Variants in CSMD1 observed in about 807,000 individuals in gnomAD.
The protein encoded by CSMD1 is CUB and Sushi multiple domains 1, also known as CUB and sushi domain-containing protein 1.
CSMD1 carries 213 observed loss-of-function variants against 417.5 expected under a neutral mutation model. The ratio of observed to expected loss-of-function variants is 0.51; its 90% CI spans 0.46 to 0.57. CSMD1 has a LOEUF of 0.57. Ranked by LOEUF, CSMD1 falls within the 20% of genes least tolerant of loss-of-function variation. The probability of loss-of-function intolerance (pLI) is 0.00; values close to 1 mark genes in which losing one functional copy is unlikely to be tolerated. For missense variants in CSMD1, 6,923 were observed against 4,529.7 expected (o/e 1.53, Z -15.17); for synonymous variants, 2,862 against 1,736.8 (o/e 1.65, Z -16.11).
chr8:3,669,607 G>T (rs1273942029), intron 7 of CSMD1, among the ~76,000 whole-genome samples: 1 of 152,194 alleles, frequency 6.6e-6, no homozygotes, highest in Non-Finnish European at 1.5e-5. Flanking sequence ...AATCACGACA[G>T]GGAAGACAAG....
At chr8:4,377,964 G>T (rs778125186) in intron 3 of CSMD1, among the ~76,000 whole-genome samples, 1 of 152,172 alleles carries the variant, frequency 6.6e-6, no homozygotes, top group African/African-American at 2.4e-5. Flanking sequence ...TATAGCAAAT[G>T]ATAGAATTGT....
chr8:4,859,795 C>A (rs1305790388), intron 1 of CSMD1, among the ~76,000 whole-genome samples: 1 of 152,030 alleles, frequency 6.6e-6, no homozygotes, highest in Non-Finnish European at 1.5e-5. Context: ...AATAGGAACA[C>A]TTTGACACTG....
At chr8:3,849,334 G>A (rs923630572) in intron 5 of CSMD1, among the ~76,000 whole-genome samples, 4 of 152,118 alleles carry the variant, frequency 2.6e-5, no homozygotes, top group Admixed American at 2.6e-4. Flanking sequence ...CAGAATTTGG[G>A]GAGATGAAGT....
chr8:3,092,888 G>A (rs535133596), intron 47 of CSMD1, among the ~76,000 whole-genome samples: 1 of 144,200 alleles, frequency 6.9e-6, no homozygotes, highest in Non-Finnish European at 1.6e-5. Flanking sequence ...TATGGACTGG[G>A]AGAATGCAGC....
chr8:3,829,620 A>G (rs1802256191), intron 5 of CSMD1, among the ~76,000 whole-genome samples: 1 of 152,188 alleles, frequency 6.6e-6, no homozygotes, highest in Non-Finnish European at 1.5e-5. Flanking sequence ...AGCTGAAGAA[A>G]AAGATGTAGA....
intron 1 of CSMD1, among the ~76,000 whole-genome samples, chr8:4,716,952 C>T (rs765111592): frequency 7.2e-5 from 11 of 152,022 alleles, no homozygotes; most frequent in South Asian, 4.2e-4. Context: ...AAAAATGAAA[C>T]TTAGTATAAT....
chr8:4,545,572 G>C (rs951750689), intron 2 of CSMD1, among the ~76,000 whole-genome samples: 12 of 152,290 alleles, frequency 7.9e-5, no homozygotes, highest in African/African-American at 2.4e-4. Flanking sequence ...AAGGTTCTTT[G>C]GGTCACAGTG....
intron 2 of CSMD1, among the ~76,000 whole-genome samples, chr8:4,428,135 C>G (rs552521584): frequency 6.6e-6 from 1 of 152,170 alleles, no homozygotes; most frequent in East Asian, 1.9e-4. Flanking sequence ...TCCTCCTCTC[C>G]AAAGCACCCA....
chr8:3,943,849 C>T (rs530034999), intron 5 of CSMD1, among the ~76,000 whole-genome samples: 2 of 152,176 alleles, frequency 1.3e-5, no homozygotes, highest in South Asian at 2.1e-4. Context: ...AAAAAATTGC[C>T]GTTTCCTATT....
intron 52 of CSMD1, among the ~76,000 whole-genome samples, chr8:3,013,134 C>A (rs992570636): frequency 6.6e-6 from 1 of 152,088 alleles, no homozygotes; most frequent in Non-Finnish European, 1.5e-5. Context: ...TTCTTAGCAG[C>A]GTGAGAACAG....
At chr8:3,353,356 C>G (rs1216956441) in intron 21 of CSMD1, among the ~76,000 whole-genome samples, 1 of 152,156 alleles carries the variant, frequency 6.6e-6, no homozygotes, top group African/African-American at 2.4e-5. Flanking sequence ...ATCTCCATTC[C>G]TATCTGCTCT....
chr8:4,038,967 C>G (rs995826797), intron 3 of CSMD1, among the ~76,000 whole-genome samples: 1 of 152,188 alleles, frequency 6.6e-6, no homozygotes. Context: ...ATTGGGCTAT[C>G]ACATCAAACC....
At chr8:3,380,694 A>T (rs1162362944) in intron 18 of CSMD1, among the ~76,000 whole-genome samples, 1 of 152,174 alleles carries the variant, frequency 6.6e-6, no homozygotes, top group African/African-American at 2.4e-5. Context: ...AACAATGAGA[A>T]CACATGGACA....
chr8:4,381,443 G>T (rs765191167), intron 3 of CSMD1, among the ~76,000 whole-genome samples: 23 of 152,146 alleles, frequency 1.5e-4, no homozygotes, highest in Non-Finnish European at 3.2e-4. Context: ...AAAGGGGGTG[G>T]GGGCTGGTGC....
At chr8:4,841,930 A>AAAACAAAACAAAACAAAAC (rs1800864566) in intron 1 of CSMD1, among the ~76,000 whole-genome samples, 1 of 122,426 alleles carries the variant, frequency 8.2e-6, no homozygotes, top group Non-Finnish European at 1.7e-5. Context: ...AAAAAAAAAA[A>AAAACAAAACAAAACAAAAC]AAAAAAAAGT....
intron 41 of CSMD1, among the ~76,000 whole-genome samples, chr8:3,140,738 A>AT (rs1563079651): frequency 1.3e-5 from 2 of 151,952 alleles, no homozygotes; most frequent in African/African-American, 4.8e-5. Context: ...AAAAAAAAAA[A>AT]GTTAGGCTCT....
At chr8:4,733,438 T>C (rs927311411) in intron 1 of CSMD1, among the ~76,000 whole-genome samples, 2 of 152,158 alleles carry the variant, frequency 1.3e-5, no homozygotes, top group African/African-American at 4.8e-5. Flanking sequence ...AGAGGGAAGG[T>C]AGGTGTCGGA....
chr8:3,918,173 T>C lies in CSMD1; in HGVS notation c.818+79730A>G, dbSNP rs549314575. ...GTAAACATGGGAGTGAAAGTGTGTG[T>C]TCAAAATCCTGATTTCATATTCCTT... On this transcript the variant is annotated intron_variant, in intron 5 of 69. Coordinates refer to ENST00000635120, the MANE Select transcript of CSMD1 (RefSeq NM_033225.6). 5.3e-5 allele frequency among the ~76,000 whole-genome samples: 8 copies of C among 152,250 alleles called. No homozygotes were observed. In the East Asian group the frequency reaches 1.4e-3, roughly 26 times the overall value.
intron 2 of CSMD1, among the ~76,000 whole-genome samples, chr8:4,569,676 C>G (rs1798789738): frequency 6.6e-6 from 1 of 152,028 alleles, no homozygotes; most frequent in Non-Finnish European, 1.5e-5. Context: ...ATTCTGTGAA[C>G]AAAGTCAATG....
Sources: allele counts gnomAD v4.1 joint callset (sites outside exome capture counted in the v4.1 genomes callset), GRCh38; gene constraint gnomAD v4.1.1; transcripts MANE v1.5; gene names NCBI Gene and HGNC (gene_info 2026-07-23, HGNC 2026-07-21).